Variants in PICK1 observed in about 807,000 individuals in gnomAD.
The protein encoded by PICK1 is PRKCA-binding protein.
A neutral mutation model predicts 48.9 loss-of-function variants in PICK1; 23 were observed. The observed-to-expected ratio is 0.47, with a 90% CI of 0.34 to 0.67. The LOEUF is 0.67. Ranked by LOEUF, PICK1 falls within the 30% of genes least tolerant of loss-of-function variation. The pLI, the probability that PICK1 is intolerant of heterozygous loss-of-function variation, is 0.01. For missense variants in PICK1, 423 were observed against 557.1 expected (o/e 0.76, Z 2.42); for synonymous variants, 217 against 228.2 (o/e 0.95, Z 0.44).
At chr22:38,065,321 G>C (rs947367632) in intron 4 of PICK1, 191 bp downstream of exon 4, 2 of 616,010 alleles carry the variant, frequency 3.2e-6, no homozygotes, top group African/African-American at 3.6e-5. Context: ...AATACTAATC[G>C]TGCTCCAGGA....
chr22:38,074,784 C>T lies in PICK1; in HGVS notation c.980-80C>T, dbSNP rs1334331319. The stretch of plus-strand genomic sequence containing the variant: ...AAGCCCAGGGGAGGCGAGAGGTGGG[C>T]CGGGTGGGCTGGGAGAGTCTCCTCC... On this transcript the variant is annotated intron_variant, in intron 12 of 12. Transcript: ENST00000356976. This position sits in a 1 kb window ranked among gnomAD's most constrained non-coding sequence, Gnocchi z 4.5. 7 of 1,557,476 alleles carry T rather than the reference C, an allele frequency of 4.5e-6. No homozygotes were observed. In the East Asian group the frequency reaches 1.3e-4, roughly 30 times the overall value.
chr22:38,057,889 G>C (rs1278118911), intron 2 of PICK1, 39 bp downstream of exon 2: 1 of 1,533,980 alleles, frequency 6.5e-7, no homozygotes, highest in Admixed American at 1.7e-5. Context: ...CAGTATAGGA[G>C]CCCCAAGTTC....
At chr22:38,058,252 T>C (rs1272767367) in intron 2 of PICK1, 1 of 269,172 alleles carries the variant, frequency 3.7e-6, no homozygotes, top group Non-Finnish European at 7.3e-6. Context: ...GAATATATCC[T>C]CTTTCAGATC....
At position 38,073,971 on chromosome 22, in the gene PICK1, T is replaced by C; in HGVS notation, c.834+148T>C. 1 of 801,646 alleles carries C rather than the reference T, an allele frequency of 1.2e-6. No homozygotes were observed. Among genetic ancestry groups the C allele is most frequent in the Non-Finnish European group, 2.1e-6 (1 of 482,268 alleles). The allele number at this position is 801,646 out of a possible 1,614,324, so 49.7% of individuals were successfully genotyped here. The stretch of plus-strand genomic sequence containing the variant: ...TTTAGGGCCATCTTCCCAGTCCCGC[T>C]CGCTGGGCCTCGGGGTGCTGGGCAC... On this transcript the variant is annotated intron_variant, in intron 11 of 12. Coordinates refer to ENST00000356976, the MANE Select transcript of PICK1 (RefSeq NM_012407.4). The surrounding 1 kb of genome is among the most constrained non-coding windows in gnomAD (Gnocchi z 5.7).
intron 3 of PICK1, among the ~76,000 whole-genome samples, chr22:38,063,937 G>A (rs2145864396): frequency 6.6e-6 from 1 of 152,230 alleles, no homozygotes. Context: ...GATCTTAGGT[G>A]TCACATCCAA....
chr22:38,065,495 A>T (rs2085502752), intron 4 of PICK1, among the ~76,000 whole-genome samples: 1 of 152,150 alleles, frequency 6.6e-6, no homozygotes, highest in African/African-American at 2.4e-5. Context: ...CTGGGTCAGT[A>T]GACACCCAAT....
rs1569201146 is a variant in PICK1, at chr22:38,069,136, C to T, written c.439+14C>T. 1 of 1,591,306 alleles carries T rather than the reference C, an allele frequency of 6.3e-7. No homozygotes were observed. Among genetic ancestry groups the T allele is most frequent in the Non-Finnish European group, 8.6e-7 (1 of 1,167,466 alleles). On this transcript the variant is annotated intron_variant, in intron 6 of 12. Transcript: ENST00000356976. Reference sequence around the variant, plus strand: ...TCCTGTGCAATGGTGAGTCCCTTCCCACCCAGCTGGGGCCCCGGGGACTCA... The same window carrying T: ...TCCTGTGCAATGGTGAGTCCCTTCCTACCCAGCTGGGGCCCCGGGGACTCA...
rs1269446172 is a variant in PICK1, at chr22:38,073,196, C to G, written c.783+104C>G. 3.7e-6 allele frequency: 3 copies of G among 806,856 alleles called. No individual in the cohort carries two copies. The highest frequency in any genetic ancestry group is 6.6e-6 in the Non-Finnish European group (3 of 456,658). The allele number at this position is 806,856 out of a possible 1,614,324, so 50.0% of individuals were successfully genotyped here. Reference sequence around the variant, plus strand: ...GGCCAGCGAGGCCAGCCAGAGCTGACAGCATGTCTGCTCCAGGTGTGGGCC... The same window carrying G: ...GGCCAGCGAGGCCAGCCAGAGCTGAGAGCATGTCTGCTCCAGGTGTGGGCC... On this transcript the variant is annotated intron_variant, in intron 10 of 12. Transcript: ENST00000356976. This position sits in a 1 kb window ranked among gnomAD's most constrained non-coding sequence, Gnocchi z 5.7.
chr22:38,073,909 G>T lies in PICK1; in HGVS notation c.834+86G>T. 3 of 1,302,870 alleles carry T rather than the reference G, an allele frequency of 2.3e-6. No individual in the cohort carries two copies. The highest frequency in any genetic ancestry group is 2.4e-5 in the South Asian group (2 of 84,806). 80.7% of individuals were successfully genotyped at this position (1,302,870 alleles called of 1,614,324 possible). Reference sequence around the variant, plus strand: ...AGGTGGCTCAGGCCAACCCGGGAGAGACCGGGGGGACTTGGCTGGACTCTC... The same window carrying T: ...AGGTGGCTCAGGCCAACCCGGGAGATACCGGGGGGACTTGGCTGGACTCTC... On this transcript the variant is annotated intron_variant, in intron 11 of 12. Coordinates refer to ENST00000356976, the MANE Select transcript of PICK1 (RefSeq NM_012407.4). This position sits in a 1 kb window ranked among gnomAD's most constrained non-coding sequence, Gnocchi z 5.7.
intron 9 of PICK1, 80 bp from the exon 10 acceptor site, chr22:38,072,920 G>A: frequency 1.0e-6 from 1 of 953,076 alleles, no homozygotes; most frequent in Non-Finnish European, 1.7e-6. Flanking sequence ...CACCAACAAG[G>A]GTGACGCATC....
intron 3 of PICK1, among the ~76,000 whole-genome samples, chr22:38,061,787 C>T (rs1329787802): frequency 3.9e-5 from 6 of 152,210 alleles, no homozygotes; most frequent in Non-Finnish European, 7.3e-5. Context: ...TCCCAAAGTG[C>T]TGGGATTACA....
rs1344066136 is a variant in PICK1 at position 38,069,186 on chromosome 22, G to T, written c.439+64G>T. 3.3e-6 allele frequency: 4 copies of T among 1,196,106 alleles called. No individual in the cohort carries two copies. In the African/African-American group the frequency reaches 4.5e-5, roughly 14 times the overall value. The allele number at this position is 1,196,106 out of a possible 1,614,324, so 74.1% of individuals were successfully genotyped here. On this transcript the variant is annotated intron_variant, in intron 6 of 12. Transcript: ENST00000356976. ...AAGCCCAGGCTGAGAAGAGTGGGGGGCACCATGGCTGCCCACCAAGCTGCT... is the reference window on the plus strand; with the variant it reads ...AAGCCCAGGCTGAGAAGAGTGGGGGTCACCATGGCTGCCCACCAAGCTGCT...
At position 38,073,117 on chromosome 22, in the gene PICK1, G is replaced by T; in HGVS notation, c.783+25G>T. On this transcript the variant is annotated intron_variant, in intron 10 of 12. Coordinates refer to ENST00000356976, the MANE Select transcript of PICK1 (RefSeq NM_012407.4). The surrounding 1 kb of genome is among the most constrained non-coding windows in gnomAD (Gnocchi z 5.7). ...GGTGAGTAGTCCAGGTGCCCAGGCTGCTAGGGCAAGCGCCCACCCTGGAGA... is the reference window on the plus strand; with the variant it reads ...GGTGAGTAGTCCAGGTGCCCAGGCTTCTAGGGCAAGCGCCCACCCTGGAGA... 6.8e-7 allele frequency: 1 copy of T among 1,474,884 alleles called. No individual in the cohort carries two copies. The highest frequency in any genetic ancestry group is 9.5e-7 in the Non-Finnish European group (1 of 1,053,378). The allele number at this position is 1,474,884 out of a possible 1,614,324, so 91.4% of individuals were successfully genotyped here. A position where few individuals can be genotyped will look rare whatever the true frequency, so the allele number is the denominator to read the frequency against.
intron 1 of PICK1, 57 bp from the exon 2 acceptor site, chr22:38,057,696 T>G (rs952123734): frequency 3.1e-5 from 27 of 861,328 alleles, no homozygotes; most frequent in Non-Finnish European, 4.1e-5. Context: ...GGGGTGGCGT[T>G]GGCATTTAGG....
intron 8 of PICK1, among the ~76,000 whole-genome samples, chr22:38,072,265 C>T (rs1445556990): frequency 6.6e-6 from 1 of 152,210 alleles, no homozygotes; most frequent in Non-Finnish European, 1.5e-5. Context: ...CTAGGGGGCA[C>T]AGACCAGCTC....
intron 3 of PICK1, among the ~76,000 whole-genome samples, chr22:38,060,783 G>C (rs913063040): frequency 1.0e-4 from 15 of 145,324 alleles, no homozygotes; most frequent in Non-Finnish European, 2.1e-4. Flanking sequence ...GAGTCTCACT[G>C]TGTTGCCCAG....
In PICK1 at chr22:38,069,998, G is replaced by C. The variant is rs535674273; in HGVS notation, c.440-840G>C. Reference sequence around the variant, plus strand: ...ATGCTTACATGGCTCCTTTCCTGCCGCTGGCCAGGTGCTAAGGCTCTGGGG... The same window carrying C: ...ATGCTTACATGGCTCCTTTCCTGCCCCTGGCCAGGTGCTAAGGCTCTGGGG... On this transcript the variant is annotated intron_variant, in intron 6 of 12. Coordinates refer to ENST00000356976, the MANE Select transcript of PICK1 (RefSeq NM_012407.4). Among the ~76,000 whole-genome samples the C allele has an allele frequency of 9.9e-5, 15 of 151,782 alleles. No homozygotes were observed. In the South Asian group the frequency reaches 2.5e-3, roughly 25 times the overall value.
At chr22:38,069,527 C>T (rs572548990) in intron 6 of PICK1, among the ~76,000 whole-genome samples, 68 of 152,318 alleles carry the variant, frequency 4.5e-4, no homozygotes, top group Non-Finnish European at 7.6e-4. Flanking sequence ...AGGGGGGAGG[C>T]GTGTACATGC....
chr22:38,075,324 C>T lies in PICK1; in HGVS notation c.*192C>T. 1.7e-6 allele frequency: 1 copy of T among 601,082 alleles called. No individual in the cohort carries two copies. The highest frequency in any genetic ancestry group is 2.2e-5 in the South Asian group (1 of 45,264). 37.2% of individuals were successfully genotyped at this position (601,082 alleles called of 1,614,324 possible). On this transcript the variant is annotated 3_prime_UTR_variant, in exon 13 of 13. Transcript: ENST00000356976. Reference sequence around the variant, plus strand: ...CAGGCACCAGGGTCATGGCCTGGGACCTGGACACTGGCCCCTCCACCCTCC... The same window carrying T: ...CAGGCACCAGGGTCATGGCCTGGGATCTGGACACTGGCCCCTCCACCCTCC...
Sources: allele counts gnomAD v4.1 joint callset (sites outside exome capture counted in the v4.1 genomes callset), GRCh38; gene constraint gnomAD v4.1.1; non-coding constraint Gnocchi (gnomAD v3.1); transcripts MANE v1.5; gene names NCBI Gene and HGNC (gene_info 2026-07-23, HGNC 2026-07-21).